The following RELN variants were observed in gnomAD, a reference collection of about 807,000 sequenced individuals.
RELN encodes reelin.
A neutral mutation model predicts 427.6 loss-of-function variants in RELN; 108 were observed. The observed-to-expected ratio is 0.25, with a 90% CI of 0.22 to 0.30. The LOEUF (loss-of-function observed/expected upper bound fraction) is 0.30. Ranked by LOEUF, RELN falls within the 10% of genes least tolerant of loss-of-function variation. The probability of loss-of-function intolerance (pLI) is 1.00; values close to 1 mark genes in which losing one functional copy is unlikely to be tolerated. For missense variants in RELN, 3,715 were observed against 4,302.8 expected (o/e 0.86, Z 3.82); for synonymous variants, 1,524 against 1,513.4 (o/e 1.01, Z -0.16).
chr7:103,743,211 C>T (rs1790717172), intron 6 of RELN, among the ~76,000 whole-genome samples: 1 of 152,112 alleles, frequency 6.6e-6, no homozygotes, highest in African/African-American at 2.4e-5. Flanking sequence ...CAAGCAAATG[C>T]TGAGAGATTT....
intron 11 of RELN, among the ~76,000 whole-genome samples, chr7:103,676,858 G>C (rs1833538136): frequency 6.6e-6 from 1 of 152,168 alleles, no homozygotes. Flanking sequence ...TTGGACACAG[G>C]GTGGTGAACA....
chr7:103,650,770 A>T (rs1832898882), intron 15 of RELN, among the ~76,000 whole-genome samples: 1 of 152,016 alleles, frequency 6.6e-6, no homozygotes, highest in East Asian at 1.9e-4. Context: ...GGACTACAGA[A>T]GCATACTACC....
At position 103,700,937 on chromosome 7, in the gene RELN, G is replaced by A. The variant is rs138975479; in HGVS notation, c.875C>T (p.Ala292Val). The A allele has an allele frequency of 1.5e-5, 24 of 1,609,128 alleles. No individual in the cohort carries two copies. The African/African-American group carries it at 2.3e-4, about 15-fold the overall frequency. The change falls in exon 9 of 65, where the codon GCG becomes GTG. Residue 292 changes from alanine (A) to valine (V), a missense_variant. Around this residue, in one of 4 missense-constraint regions of RELN, gnomAD observed 2,208 missense variants for 2,361.7 expected, o/e 0.93. Transcript: ENST00000428762. The stretch of plus-strand genomic sequence containing the variant: ...AATTTTCTCTAGCTGAATCCAGTCC[G>A]CAGAGTTATTCTTGGCATATAACAC... ...IIVLYAKNNS[A>V]DWIQLEKIRA... is the part of the protein sequence containing the mutation.
At chr7:103,547,204 C>T (rs1475744961) in intron 41 of RELN, among the ~76,000 whole-genome samples, 1 of 152,102 alleles carries the variant, frequency 6.6e-6, no homozygotes, top group African/African-American at 2.4e-5. Flanking sequence ...AAGTTAAATA[C>T]CAGGATTAAG....
rs1234635414 is a variant in RELN at position 103,989,616 on chromosome 7, G to GCGC, written c.-263_-261dup. On this transcript the variant is annotated 5_prime_UTR_variant, in exon 1 of 65. Coordinates refer to ENST00000428762, the MANE Select transcript of RELN (RefSeq NM_005045.4). The surrounding 1 kb of genome is among the most constrained non-coding windows in gnomAD (Gnocchi z 4.9). ...AGAGCGCGTCGTCTGCCGCCTCCGTGCGCCGCCGCCGCCTCTGCGCGACGC... is the reference window on the plus strand; with the variant it reads ...AGAGCGCGTCGTCTGCCGCCTCCGTGCGCCGCCGCCGCCGCCTCTGCGCGACGC... 1 of 337,728 alleles carries GCGC rather than the reference G, an allele frequency of 3.0e-6. No individual in the cohort carries two copies. Among genetic ancestry groups the GCGC allele is most frequent in the Admixed American group, 5.1e-5 (1 of 19,648 alleles). The allele number at this position is 337,728 out of a possible 1,614,324, so 20.9% of individuals were successfully genotyped here. A position where few individuals can be genotyped will look rare whatever the true frequency, so the allele number is the denominator to read the frequency against.
chr7:103,904,355 C>T (rs1384008741), intron 2 of RELN, among the ~76,000 whole-genome samples: 1 of 152,104 alleles, frequency 6.6e-6, no homozygotes, highest in Non-Finnish European at 1.5e-5. Flanking sequence ...ATTTATATCC[C>T]TTTGGGTACA....
chr7:103,645,670 T>C (rs1410036787), intron 16 of RELN, among the ~76,000 whole-genome samples: 1 of 151,584 alleles, frequency 6.6e-6, no homozygotes, highest in East Asian at 1.9e-4. Context: ...GGGTGCAATA[T>C]ATACAATAAT....
At chr7:103,745,333 G>A (rs963035641) in intron 6 of RELN, among the ~76,000 whole-genome samples, 2 of 152,036 alleles carry the variant, frequency 1.3e-5, no homozygotes, top group Admixed American at 1.3e-4. Context: ...AAAACTGGAA[G>A]CATTCTCTTT....
At chr7:103,977,648 C>T (rs9918549) in intron 1 of RELN, among the ~76,000 whole-genome samples, 25,046 of 152,070 alleles carry the variant, frequency 0.16, 2,137 homozygotes, top group Middle Eastern at 0.29. Context: ...AAAAGCCTCC[C>T]TACTGGTTCC....
chr7:103,510,821 G>A (rs781618090), intron 51 of RELN, 30 bp downstream of exon 51: 21 of 1,567,516 alleles, frequency 1.3e-5, no homozygotes, highest in Non-Finnish European at 1.8e-6. Context: ...ATGTATGGTT[G>A]TTTATATAAT....
intron 64 of RELN, 66 bp downstream of exon 64, chr7:103,478,323 T>A: frequency 1.4e-6 from 1 of 707,856 alleles, no homozygotes; most frequent in Non-Finnish European, 2.6e-6. Flanking sequence ...AACTTCTCAG[T>A]TAAGTTTGGT....
At chr7:103,786,007 T>A (rs928689922) in intron 3 of RELN, among the ~76,000 whole-genome samples, 1 of 151,986 alleles carries the variant, frequency 6.6e-6, no homozygotes, top group South Asian at 2.1e-4. Flanking sequence ...TCTAACCTAG[T>A]TAATTAATCA....
chr7:103,607,728 G>T (rs1298401064), intron 22 of RELN, among the ~76,000 whole-genome samples: 4 of 152,146 alleles, frequency 2.6e-5, no homozygotes, highest in African/African-American at 9.7e-5. Context: ...GAGGGATCAA[G>T]GTAAATGAAG....
intron 11 of RELN, among the ~76,000 whole-genome samples, chr7:103,669,688 G>C (rs1833348920): frequency 1.3e-5 from 2 of 151,822 alleles, no homozygotes; most frequent in Admixed American, 1.3e-4. Context: ...CATCTCGGAT[G>C]GCATGGCAAT....
chr7:103,620,487 T>C lies in RELN; in HGVS notation c.2703-8684A>G, dbSNP rs1832192400. 2.0e-5 allele frequency among the ~76,000 whole-genome samples: 3 copies of C among 151,856 alleles called. No individual in the cohort carries two copies. The highest frequency in any genetic ancestry group is 7.3e-5 in the African/African-American group (3 of 41,332). On this transcript the variant is annotated intron_variant, in intron 20 of 64. Coordinates refer to ENST00000428762, the MANE Select transcript of RELN (RefSeq NM_005045.4). This position sits in a 1 kb window ranked among gnomAD's most constrained non-coding sequence, Gnocchi z 4.1. ...TCACCCGATCCACATTTTTTTTTTT[T>C]TTTTGAGATAGAGTCTCGTCTGTCG...
chr7:103,636,723 A>G (rs1386075853), intron 17 of RELN, among the ~76,000 whole-genome samples: 2 of 152,218 alleles, frequency 1.3e-5, no homozygotes, highest in Non-Finnish European at 2.9e-5. Flanking sequence ...CAATTTATCT[A>G]AAATACATCT....
intron 2 of RELN, among the ~76,000 whole-genome samples, chr7:103,886,614 T>C (rs1021587960): frequency 1.3e-5 from 2 of 152,204 alleles, no homozygotes; most frequent in Non-Finnish European, 2.9e-5. Flanking sequence ...TCTAATTAAG[T>C]AAATCCCATA....
Position 103,624,840 on chromosome 7 carries a change from C to T in RELN, c.2702+5100G>A, listed in dbSNP as rs1318073367. On this transcript the variant is annotated intron_variant, in intron 20 of 64. Coordinates refer to ENST00000428762, the MANE Select transcript of RELN (RefSeq NM_005045.4). ...TCTCTAAAAAATGACCAACGGATGA[C>T]TAGTACCAGTGATTTACTTGTGTTT... Among the ~76,000 whole-genome samples, 3 of 152,076 alleles carry T rather than the reference C, an allele frequency of 2.0e-5. No individual in the cohort carries two copies. In the East Asian group the frequency reaches 5.8e-4, roughly 29 times the overall value.
chr7:103,966,660 A>G (rs1020685928), intron 1 of RELN, among the ~76,000 whole-genome samples: 5 of 152,232 alleles, frequency 3.3e-5, no homozygotes, highest in Admixed American at 2.6e-4. Context: ...ACATAAATGT[A>G]CCAGAAGCAA....
Sources: allele counts gnomAD v4.1 joint callset (sites outside exome capture counted in the v4.1 genomes callset), GRCh38; gene constraint gnomAD v4.1.1; regional missense constraint gnomAD v4.1.1; non-coding constraint Gnocchi (gnomAD v3.1); transcripts MANE v1.5; gene names NCBI Gene and HGNC (gene_info 2026-07-23, HGNC 2026-07-21).